Variants in ATP8A2 observed in about 807,000 individuals in gnomAD.
ATP8A2 encodes phospholipid-transporting ATPase IB.
A neutral mutation model predicts 165.6 loss-of-function variants in ATP8A2; 100 were observed. The ratio of observed to expected loss-of-function variants is 0.60; its 90% CI spans 0.51 to 0.71. The LOEUF is 0.71. Among genes scored for constraint, ATP8A2 ranks in the 30% least tolerant of loss-of-function variants. ATP8A2 has a pLI of 0.00. For missense variants in ATP8A2, 1,227 were observed against 1,479.5 expected (o/e 0.83, Z 2.80); for synonymous variants, 543 against 548.8 (o/e 0.99, Z 0.15).
chr13:25,840,197 T>C (rs1194396342), intron 30 of ATP8A2, among the ~76,000 whole-genome samples: 1 of 152,184 alleles, frequency 6.6e-6, no homozygotes, highest in African/African-American at 2.4e-5. Context: ...TTCACACTTC[T>C]TAACACATCC....
chr13:25,971,430 A>G (rs1336306617), intron 35 of ATP8A2, among the ~76,000 whole-genome samples: 1 of 149,454 alleles, frequency 6.7e-6, no homozygotes, highest in Non-Finnish European at 1.5e-5. Context: ...GATCTTATAG[A>G]CCCCCACCTC....
chr13:25,947,766 T>C (rs997564969), intron 33 of ATP8A2, among the ~76,000 whole-genome samples: 8 of 152,172 alleles, frequency 5.3e-5, no homozygotes, highest in Non-Finnish European at 5.9e-5. Context: ...GTCAGCCTTT[T>C]GATGTGCAGC....
At chr13:25,769,962 A>T (rs2044583590) in intron 26 of ATP8A2, among the ~76,000 whole-genome samples, 2 of 152,198 alleles carry the variant, frequency 1.3e-5, no homozygotes, top group Non-Finnish European at 2.9e-5. Context: ...AGGTGAAGGA[A>T]GATAGCCAAT....
intron 33 of ATP8A2, among the ~76,000 whole-genome samples, chr13:25,942,185 T>C (rs1955089354): frequency 6.6e-6 from 1 of 152,202 alleles, no homozygotes; most frequent in African/African-American, 2.4e-5. Context: ...TTTGCCAAAT[T>C]TTTTTTATTC....
chr13:25,413,078 A>C (rs1418958292), intron 1 of ATP8A2, among the ~76,000 whole-genome samples: 6 of 152,102 alleles, frequency 3.9e-5, no homozygotes, highest in Non-Finnish European at 8.8e-5. Flanking sequence ...TCGATCTCCC[A>C]AAGTGCTGGG....
At chr13:25,537,457 A>C (rs2137964636) in intron 6 of ATP8A2, among the ~76,000 whole-genome samples, 1 of 152,324 alleles carries the variant, frequency 6.6e-6, no homozygotes, top group South Asian at 2.1e-4. Flanking sequence ...AGAAAAATTT[A>C]TGTGTGTTAA....
intron 27 of ATP8A2, among the ~76,000 whole-genome samples, chr13:25,790,783 T>A (rs923020960): frequency 6.6e-6 from 1 of 150,698 alleles, no homozygotes; most frequent in Non-Finnish European, 1.5e-5. Context: ...AAAATAAAGC[T>A]CAACATCACA....
Position 25,722,363 on chromosome 13 carries a change from G to C in ATP8A2, c.2384+23018G>C, listed in dbSNP as rs188423881. 8.5e-5 allele frequency among the ~76,000 whole-genome samples: 13 copies of C among 152,242 alleles called. 1 individual carries two copies. Among genetic ancestry groups the C allele is most frequent in the Admixed American group, 3.3e-4 (5 of 15,298 alleles). ...TTACTAAAGTACTGTTTGGTCCCAA[G>C]ACTTCCTTGAACAAGGCCATCAGGA... On this transcript the variant is annotated intron_variant, in intron 25 of 36. Transcript: ENST00000381655.
chr13:25,462,410 T>G (rs1038012242), intron 1 of ATP8A2, among the ~76,000 whole-genome samples: 1 of 152,120 alleles, frequency 6.6e-6, no homozygotes, highest in Non-Finnish European at 1.5e-5. Flanking sequence ...ATGGTTACAG[T>G]TTTACTACAA....
chr13:25,935,674 G>A (rs1321655967), intron 33 of ATP8A2, among the ~76,000 whole-genome samples: 1 of 152,174 alleles, frequency 6.6e-6, no homozygotes, highest in East Asian at 1.9e-4. Context: ...TTTAAGCAAC[G>A]AGATCTCCTG....
chr13:25,519,704 C>T (rs548303751), intron 2 of ATP8A2, among the ~76,000 whole-genome samples: 2 of 152,334 alleles, frequency 1.3e-5, no homozygotes, highest in Admixed American at 1.3e-4. Flanking sequence ...GCTAAAGCCC[C>T]TCCTTGCTGT....
At chr13:25,798,532 G>A (rs1453235654) in intron 27 of ATP8A2, among the ~76,000 whole-genome samples, 1 of 152,098 alleles carries the variant, frequency 6.6e-6, no homozygotes, top group Non-Finnish European at 1.5e-5. Flanking sequence ...AAAGTAAAAA[G>A]CCCATCCTCA....
chr13:25,432,352 C>T (rs2034639499), intron 1 of ATP8A2, among the ~76,000 whole-genome samples: 1 of 152,210 alleles, frequency 6.6e-6, no homozygotes, highest in South Asian at 2.1e-4. Flanking sequence ...TTTTGTGCCT[C>T]ATCTACAGTG....
At chr13:25,935,212 C>T (rs1954851448) in intron 33 of ATP8A2, among the ~76,000 whole-genome samples, 1 of 152,196 alleles carries the variant, frequency 6.6e-6, no homozygotes, top group Non-Finnish European at 1.5e-5. Context: ...CCCTGAAGGA[C>T]ATGTTGTCTC....
intron 35 of ATP8A2, among the ~76,000 whole-genome samples, chr13:25,975,299 T>G (rs1205049779): frequency 2.6e-5 from 4 of 152,040 alleles, no homozygotes. Context: ...TTCGACCGGT[T>G]GCGGTGGCTC....
intron 1 of ATP8A2, among the ~76,000 whole-genome samples, chr13:25,399,184 A>G (rs1173871710): frequency 6.6e-6 from 1 of 152,078 alleles, no homozygotes; most frequent in Non-Finnish European, 1.5e-5. Flanking sequence ...TGGTTCTTAC[A>G]CTGAAGCATG....
intron 34 of ATP8A2, 39 bp from the exon 35 acceptor site, chr13:25,968,536 T>G: frequency 6.4e-7 from 1 of 1,571,166 alleles, no homozygotes; most frequent in Non-Finnish European, 8.7e-7. Context: ...GTGTCAAGTC[T>G]CTATGCCATG....
chr13:25,759,353 A>G (rs575095677), intron 25 of ATP8A2, among the ~76,000 whole-genome samples: 1 of 152,318 alleles, frequency 6.6e-6, no homozygotes, highest in East Asian at 1.9e-4. Context: ...GCCGTGCATG[A>G]GCTCACGATG....
At chr13:25,651,954 A>T (rs539892857) in intron 24 of ATP8A2, among the ~76,000 whole-genome samples, 41 of 152,212 alleles carry the variant, frequency 2.7e-4, no homozygotes, top group South Asian at 6.2e-4. Context: ...GATTAAAAAA[A>T]TTTTTTTAAC....
Sources: allele counts gnomAD v4.1 joint callset (sites outside exome capture counted in the v4.1 genomes callset), GRCh38; gene constraint gnomAD v4.1.1; transcripts MANE v1.5; gene names NCBI Gene and HGNC (gene_info 2026-07-23, HGNC 2026-07-21).